QKI: variants seen among roughly 807,000 people sequenced by gnomAD.
The protein encoded by QKI is QKI, KH domain containing RNA binding, also known as KH domain-containing RNA-binding protein QKI.
In QKI, 10 loss-of-function variants were observed where a neutral mutation model predicts 39.0. That is an observed-to-expected ratio of 0.26 (90% confidence interval 0.16 to 0.43). QKI has a LOEUF of 0.43. Among genes scored for constraint, QKI ranks in the 20% least tolerant of loss-of-function variants. QKI has a pLI of 1.00. For missense variants in QKI, 218 were observed against 428.0 expected, an observed-to-expected ratio of 0.51 and a Z score of 4.33; for synonymous variants, 204 against 155.4, an observed-to-expected ratio of 1.31 and a Z score of -2.33.
In QKI at chr6:163,576,702, C is replaced by T. The variant is rs1783993970; in HGVS notation, c.*5992C>T. 1 of 152,122 alleles carries T rather than the reference C, an allele frequency of 6.6e-6. No individual in the cohort carries two copies. Among genetic ancestry groups the T allele is most frequent in the Non-Finnish European group, 1.5e-5 (1 of 68,026 alleles). 9.4% of individuals were successfully genotyped at this position (152,122 alleles called of 1,614,324 possible). ...CATGTGCTTCATCCTCTCAAGCCAA[C>T]TGCAGCTGGAAAGTGCTGCTTATCC... On this transcript the variant is annotated 3_prime_UTR_variant, in exon 8 of 8. Transcript: ENST00000361752.
chr6:163,557,294 G>A (rs16895109), intron 4 of QKI, among the ~76,000 whole-genome samples: 7,306 of 152,218 alleles, frequency 0.048, 597 homozygotes, highest in African/African-American at 0.17. Context: ...GAGGTACAAG[G>A]AGACTTTCTG....
intron 1 of QKI, 41 bp downstream of exon 1, chr6:163,415,376 C>G (rs763589918): frequency 4.4e-6 from 6 of 1,366,056 alleles, no homozygotes; most frequent in South Asian, 1.2e-5. Context: ...CGACCCCCGC[C>G]GGGGCGGCCC....
chr6:163,464,106 T>G (rs1213245511), intron 2 of QKI, among the ~76,000 whole-genome samples: 1 of 152,226 alleles, frequency 6.6e-6, no homozygotes, highest in East Asian at 1.9e-4. Flanking sequence ...TATCACATGG[T>G]ATGCAGTGAT....
chr6:163,444,124 CAGG>C (rs1789963676), intron 1 of QKI, among the ~76,000 whole-genome samples: 1 of 152,128 alleles, frequency 6.6e-6, no homozygotes, highest in African/African-American at 2.4e-5. Context: ...ATAGTTCTGG[CAGG>C]AGTAGGATAG....
chr6:163,523,828 A>G (rs534763466), intron 3 of QKI, among the ~76,000 whole-genome samples: 5 of 152,210 alleles, frequency 3.3e-5, no homozygotes, highest in East Asian at 1.9e-4. Context: ...GAATAATACA[A>G]AAAATTAAAA....
intron 3 of QKI, among the ~76,000 whole-genome samples, chr6:163,508,633 A>G (rs2128234281): frequency 6.6e-6 from 1 of 151,008 alleles, no homozygotes; most frequent in South Asian, 2.1e-4. Context: ...GAGCTCAAGC[A>G]ATTCCCCTGC....
At chr6:163,441,700 G>A (rs991107560) in intron 1 of QKI, among the ~76,000 whole-genome samples, 2 of 152,202 alleles carry the variant, frequency 1.3e-5, no homozygotes, top group Admixed American at 6.5e-5. Context: ...AAAAACTGGA[G>A]CAGAAATCTG....
intron 1 of QKI, among the ~76,000 whole-genome samples, chr6:163,450,283 C>T (rs1257910652): frequency 6.6e-6 from 1 of 152,130 alleles, no homozygotes; most frequent in Admixed American, 6.5e-5. Context: ...GTCTTGAACT[C>T]CTAACTTCAA....
intron 7 of QKI, chr6:163,568,308 T>C (rs970624363): frequency 1.1e-5 from 11 of 985,028 alleles, no homozygotes; most frequent in African/African-American, 3.5e-5. Flanking sequence ...CTCACCATTT[T>C]GCTTTAACAC....
rs149031449 is a variant in QKI at position 163,509,064 on chromosome 6, G to A, written c.403-25918G>A. 2.3e-3 allele frequency among the ~76,000 whole-genome samples: 354 copies of A among 152,110 alleles called. 3 individuals are homozygous for A. The highest frequency in any genetic ancestry group is 8.0e-3 in the African/African-American group (334 of 41,522). On this transcript the variant is annotated intron_variant, in intron 3 of 7. Transcript: ENST00000361752. ...TGAGCCACGAGAATCACTTGAATCC[G>A]GGAGGCGGAGTTGCAGTGAGCCAAG...
chr6:163,488,030 C>A (rs1777785687), intron 3 of QKI, among the ~76,000 whole-genome samples: 1 of 152,078 alleles, frequency 6.6e-6, no homozygotes, highest in African/African-American at 2.4e-5. Flanking sequence ...ATCCTCCAGA[C>A]TGAAAGAATG....
intron 4 of QKI, among the ~76,000 whole-genome samples, chr6:163,556,503 C>CAAAA (rs61233361): frequency 5.3e-4 from 44 of 83,018 alleles, no homozygotes; most frequent in Non-Finnish European, 6.6e-4. Context: ...AATTCCACCT[C>CAAAA]AAAAAAAAAA....
chr6:163,458,951 T>C (rs1164772232), intron 2 of QKI, among the ~76,000 whole-genome samples: 2 of 152,198 alleles, frequency 1.3e-5, no homozygotes, highest in African/African-American at 4.8e-5. Flanking sequence ...TATCCTCTTA[T>C]TGGCTGTATT....
intron 1 of QKI, among the ~76,000 whole-genome samples, chr6:163,445,012 G>A (rs1790043021): frequency 6.6e-6 from 1 of 152,048 alleles, no homozygotes; most frequent in Non-Finnish European, 1.5e-5. Flanking sequence ...GGGCTCAAGC[G>A]ATCTTTCCAC....
intron 1 of QKI, among the ~76,000 whole-genome samples, chr6:163,447,048 T>G (rs1790208980): frequency 1.3e-5 from 2 of 152,144 alleles, no homozygotes; most frequent in Non-Finnish European, 2.9e-5. Context: ...AAAGGTGGCT[T>G]ATTCCATTTT....
intron 5 of QKI, among the ~76,000 whole-genome samples, chr6:163,562,470 T>A (rs958102137): frequency 2.0e-5 from 3 of 152,202 alleles, no homozygotes; most frequent in African/African-American, 7.2e-5. Context: ...GAAATGACCC[T>A]CTGTTGAGTT....
rs778641586 is a variant in QKI, at chr6:163,563,535, C to T, written c.750C>T (p.Thr250=). Reference sequence around the variant, plus strand: ...GTACTCCTACGCCAGCTGGCCCTACCATAATGCCTTTGATCAGACAAATAC... The same window carrying T: ...GTACTCCTACGCCAGCTGGCCCTACTATAATGCCTTTGATCAGACAAATAC... ...ALRTPTPAGP[T]IMPLIRQIQT... The change falls in exon 6 of 8, where the codon ACC becomes ACT. Residue 250 remains threonine, a synonymous_variant. Transcript: ENST00000361752. 3.1e-6 allele frequency: 5 copies of T among 1,614,090 alleles called. No homozygotes were observed. Among genetic ancestry groups the T allele is most frequent in the East Asian group, 2.2e-5 (1 of 44,886 alleles).
intron 3 of QKI, among the ~76,000 whole-genome samples, chr6:163,520,993 G>A (rs1780118959): frequency 6.6e-6 from 1 of 152,096 alleles, no homozygotes; most frequent in African/African-American, 2.4e-5. Context: ...AGGACCTAAA[G>A]TCACCTAGTT....
At chr6:163,569,707 T>TAA (rs1783589803) in intron 7 of QKI, 1 of 994,352 alleles carries the variant, frequency 1.0e-6, no homozygotes, top group Non-Finnish European at 1.2e-6. Flanking sequence ...TATTTACAGG[T>TAA]GGCTTCTTTT....
Sources: gnomAD v4.1 joint callset for allele counts (sites outside exome capture counted in the v4.1 genomes callset) on GRCh38, gnomAD v4.1.1 for gene constraint, MANE v1.5 for transcripts, NCBI Gene and HGNC (gene_info 2026-07-23, HGNC 2026-07-21) for gene names.